Variants in KCNAB1 observed in about 807,000 individuals in gnomAD.
KCNAB1 encodes the protein potassium voltage-gated channel subfamily A regulatory beta subunit 1, also known as voltage-gated potassium channel subunit beta-1.
Under a neutral mutation model 64.6 loss-of-function variants are expected in KCNAB1, and 35 were observed. The observed-to-expected ratio is 0.54, with a 90% confidence interval of 0.41 to 0.72. KCNAB1 has a LOEUF of 0.72. Among genes scored for constraint, KCNAB1 ranks in the 30% least tolerant of loss-of-function variants. The pLI is 0.00. For missense variants in KCNAB1, 401 were observed against 512.9 expected, an observed-to-expected ratio of 0.78 and a Z score of 2.11; for synonymous variants, 177 against 183.8, an observed-to-expected ratio of 0.96 and a Z score of 0.30.
intron 1 of KCNAB1, among the ~76,000 whole-genome samples, chr3:156,370,692 G>T (rs1726244608): frequency 6.6e-6 from 1 of 152,240 alleles, no homozygotes; most frequent in Non-Finnish European, 1.5e-5. Context: ...TCCCTGGATT[G>T]TATCTCTCCC....
At chr3:156,216,413 G>T (rs1475869796) in intron 1 of KCNAB1, among the ~76,000 whole-genome samples, 1 of 152,204 alleles carries the variant, frequency 6.6e-6, no homozygotes. Flanking sequence ...GTGGTCCTGG[G>T]CTTGCAATTA....
chr3:156,289,531 G>A lies in KCNAB1; in HGVS notation c.276-132085G>A, dbSNP rs561044903. On this transcript the variant is annotated intron_variant, in intron 1 of 13. Transcript: ENST00000490337. ...CTGCCCACTGTTGTTTATCCAGGGA[G>A]TAAAGACATGCTTCAAGTACTCCTC... 2.0e-5 allele frequency among the ~76,000 whole-genome samples: 3 copies of A among 152,278 alleles called. No homozygotes were observed. In the East Asian group the frequency reaches 5.8e-4, roughly 29 times the overall value.
At chr3:156,284,643 A>G (rs1719979322) in intron 1 of KCNAB1, among the ~76,000 whole-genome samples, 1 of 152,064 alleles carries the variant, frequency 6.6e-6, no homozygotes, top group Non-Finnish European at 1.5e-5. Context: ...GGACCCTCGG[A>G]GCCAGGTGTG....
chr3:156,279,804 T>G (rs1348877923), intron 1 of KCNAB1, among the ~76,000 whole-genome samples: 3 of 152,308 alleles, frequency 2.0e-5, no homozygotes, highest in Non-Finnish European at 4.4e-5. Flanking sequence ...GCCCACTTTC[T>G]GATGGGGTTG....
intron 1 of KCNAB1, among the ~76,000 whole-genome samples, chr3:156,174,056 G>A (rs1712188273): frequency 6.6e-6 from 1 of 152,186 alleles, no homozygotes; most frequent in African/African-American, 2.4e-5. Context: ...CCAGCTTGCA[G>A]ACTACCGATT....
intron 1 of KCNAB1, chr3:156,217,835 T>G (rs1255947002): frequency 6.6e-6 from 1 of 152,152 alleles, no homozygotes; most frequent in East Asian, 1.9e-4. Flanking sequence ...AACGCCAGTA[T>G]CAGGAATTGA....
intron 1 of KCNAB1, among the ~76,000 whole-genome samples, chr3:156,386,265 CCCTTTT>C (rs1330997542): frequency 5.3e-5 from 8 of 152,180 alleles, no homozygotes; most frequent in African/African-American, 1.9e-4. Flanking sequence ...ATACGCTGGC[CCCTTTT>C]CCATGATTCT....
At chr3:156,147,960 C>CACACACACACACACACACAT (rs200388168) in intron 1 of KCNAB1, among the ~76,000 whole-genome samples, 1 of 113,496 alleles carries the variant, frequency 8.8e-6, no homozygotes, top group African/African-American at 4.3e-5. Flanking sequence ...CACACACACA[C>CACACACACACACACACACAT]GCACGCACAC....
chr3:156,159,423 A>G (rs980165118), intron 1 of KCNAB1, among the ~76,000 whole-genome samples: 1 of 152,198 alleles, frequency 6.6e-6, no homozygotes, highest in African/African-American at 2.4e-5. Flanking sequence ...TTTAGCATGG[A>G]AAGTAATGCA....
intron 1 of KCNAB1, among the ~76,000 whole-genome samples, chr3:156,391,960 A>T (rs1713071750): frequency 6.6e-6 from 1 of 152,234 alleles, no homozygotes; most frequent in Non-Finnish European, 1.5e-5. Flanking sequence ...CTCCAGAAAC[A>T]AAAATAGGTA....
intron 7 of KCNAB1, among the ~76,000 whole-genome samples, chr3:156,473,856 A>G (rs1483366450): frequency 6.6e-6 from 1 of 152,198 alleles, no homozygotes; most frequent in Non-Finnish European, 1.5e-5. Context: ...GCTGTGCCCC[A>G]TGGAAATAGG....
At chr3:156,268,460 GGTA>G (rs1718846444) in intron 1 of KCNAB1, among the ~76,000 whole-genome samples, 1 of 152,016 alleles carries the variant, frequency 6.6e-6, no homozygotes, top group African/African-American at 2.4e-5. Context: ...TATTCTCCAT[GGTA>G]GTTGTACTAA....
chr3:156,423,515 T>C (rs1209665839), intron 2 of KCNAB1, among the ~76,000 whole-genome samples: 1 of 152,010 alleles, frequency 6.6e-6, no homozygotes, highest in African/African-American at 2.4e-5. Context: ...GAAGGAAGTG[T>C]TAGAAGTTTG....
chr3:156,353,955 G>A (rs1054331284), intron 1 of KCNAB1, among the ~76,000 whole-genome samples: 6 of 151,836 alleles, frequency 4.0e-5, no homozygotes, highest in East Asian at 3.9e-4. Context: ...TGTGTGACAC[G>A]TGATTAATGA....
At chr3:156,526,247 C>G (rs1157834910) in intron 12 of KCNAB1, among the ~76,000 whole-genome samples, 1 of 152,078 alleles carries the variant, frequency 6.6e-6, no homozygotes, top group African/African-American at 2.4e-5. Context: ...GCATAAGTAC[C>G]CTATGATGTT....
Position 156,223,742 on chromosome 3 carries a change from C to T in KCNAB1, c.275+102856C>T, listed in dbSNP as rs144698735. ...CACAGGGTGCTGATTGGTGTGTTTA[C>T]AAACCTTGAGCTAGATACAGGGTGC... On this transcript the variant is annotated intron_variant, in intron 1 of 13. Coordinates refer to ENST00000490337, the MANE Select transcript of KCNAB1 (RefSeq NM_172160.3). Among the ~76,000 whole-genome samples the T allele has an allele frequency of 5.9e-3, 899 of 152,338 alleles. 10 individuals are homozygous for T. The highest frequency in any genetic ancestry group is 0.021 in the African/African-American group (857 of 41,574).
intron 13 of KCNAB1, 184 bp from the exon 14 acceptor site, chr3:156,536,474 A>C (rs1232751175): frequency 3.5e-6 from 2 of 574,346 alleles, no homozygotes; most frequent in African/African-American, 3.7e-5. Context: ...TTATGCAGTC[A>C]ATCAACAAGG....
chr3:156,252,574 T>G (rs976068760), intron 1 of KCNAB1, among the ~76,000 whole-genome samples: 1 of 152,198 alleles, frequency 6.6e-6, no homozygotes, highest in African/African-American at 2.4e-5. Context: ...TATATGAAGT[T>G]TCTGAGGCTG....
chr3:156,323,128 TC>T (rs770947765), intron 1 of KCNAB1, among the ~76,000 whole-genome samples: 15 of 152,196 alleles, frequency 9.9e-5, no homozygotes, highest in Non-Finnish European at 1.6e-4. Context: ...ATTATTTGAC[TC>T]CTAAATTCTT....
Sources: gnomAD v4.1 joint callset for allele counts (sites outside exome capture counted in the v4.1 genomes callset) on GRCh38, gnomAD v4.1.1 for gene constraint, MANE v1.5 for transcripts, NCBI Gene and HGNC (gene_info 2026-07-23, HGNC 2026-07-21) for gene names.